The following GAD2 variants were observed in gnomAD, a reference collection of about 807,000 sequenced individuals.
GAD2 encodes 65 kDa glutamic acid decarboxylase.
In GAD2, 22 loss-of-function variants were observed where a neutral mutation model predicts 80.1. The ratio of observed to expected loss-of-function variants is 0.27; its 90% CI spans 0.20 to 0.39. The LOEUF (loss-of-function observed/expected upper bound fraction) is 0.39, where lower values mean the gene tolerates loss of function less well. Among genes scored for constraint, GAD2 ranks in the 10% least tolerant of loss-of-function variants. The pLI, the probability that GAD2 is intolerant of heterozygous loss-of-function variation, is 1.00. For synonymous variants in GAD2, 274 were observed against 256.9 expected, an observed-to-expected ratio of 1.07 and a Z score of -0.64; for missense variants, 624 against 738.4, an observed-to-expected ratio of 0.85 and a Z score of 1.80.
chr10:26,267,293 T>G (rs1476695537), intron 8 of GAD2, among the ~76,000 whole-genome samples: 4 of 152,382 alleles, frequency 2.6e-5, no homozygotes, highest in Non-Finnish European at 5.9e-5. Context: ...CTTTAAACTT[T>G]ATGTAAAAGA....
chr10:26,237,844 C>T (rs1844693733), intron 7 of GAD2, among the ~76,000 whole-genome samples: 1 of 151,950 alleles, frequency 6.6e-6, no homozygotes, highest in Non-Finnish European at 1.5e-5. Context: ...CCCACCTCTA[C>T]AAAAAATACA....
At chr10:26,293,446 G>C (rs1164702382) in intron 15 of GAD2, among the ~76,000 whole-genome samples, 1 of 152,252 alleles carries the variant, frequency 6.6e-6, no homozygotes, top group East Asian at 1.9e-4. Flanking sequence ...CCAAAGTGCT[G>C]AGATTACAGG....
chr10:26,226,140 A>G (rs956650296), intron 6 of GAD2, among the ~76,000 whole-genome samples: 7 of 152,060 alleles, frequency 4.6e-5, no homozygotes, highest in African/African-American at 1.7e-4. Flanking sequence ...ATAAGTTTTA[A>G]TGGTCCCCGG....
intron 7 of GAD2, among the ~76,000 whole-genome samples, chr10:26,244,284 G>A (rs1384196563): frequency 6.6e-6 from 1 of 152,188 alleles, no homozygotes; most frequent in Admixed American, 6.5e-5. Flanking sequence ...CTGAGAGTGG[G>A]AATGTAAAAT....
rs147849483 is a variant in GAD2, at chr10:26,223,153, T to C, written c.521-734T>C. Among the ~76,000 whole-genome samples the C allele has an allele frequency of 7.5e-3, 1,147 of 152,344 alleles. 15 individuals are homozygous for C. Among genetic ancestry groups the C allele is most frequent in the African/African-American group, 0.025 (1,044 of 41,572 alleles). ...ACTAATCAGTCGATTGAGTATATCT[T>C]TCTGTATCTTGTTGATAAAACAGTG... is the stretch of plus-strand genomic sequence containing the variant. On this transcript the variant is annotated intron_variant, in intron 4 of 15. Transcript: ENST00000376261.
At chr10:26,233,387 A>C (rs1403530995) in intron 7 of GAD2, among the ~76,000 whole-genome samples, 1 of 152,118 alleles carries the variant, frequency 6.6e-6, no homozygotes, top group Non-Finnish European at 1.5e-5. Context: ...CTACCAAAAA[A>C]CATTCTCATC....
At chr10:26,259,436 T>C (rs562368422) in intron 8 of GAD2, among the ~76,000 whole-genome samples, 4 of 152,280 alleles carry the variant, frequency 2.6e-5, no homozygotes, top group South Asian at 4.1e-4. Context: ...TGGTATTTCA[T>C]TGTGGTTTTC....
intron 7 of GAD2, among the ~76,000 whole-genome samples, chr10:26,238,093 A>T (rs765559209): frequency 2.6e-5 from 4 of 151,842 alleles, no homozygotes; most frequent in Non-Finnish European, 5.9e-5. Flanking sequence ...AGATTTCACA[A>T]TGCCACTTGA....
intron 15 of GAD2, among the ~76,000 whole-genome samples, chr10:26,299,878 C>T (rs561342054): frequency 6.6e-6 from 1 of 152,074 alleles, no homozygotes; most frequent in East Asian, 1.9e-4. Context: ...AGGATATGAA[C>T]CAGAAGAGAA....
intron 8 of GAD2, among the ~76,000 whole-genome samples, chr10:26,246,352 T>C (rs1183731130): frequency 1.3e-5 from 2 of 152,144 alleles, no homozygotes; most frequent in Non-Finnish European, 2.9e-5. Flanking sequence ...GCACCATAGA[T>C]AGTGTAAGCT....
intron 11 of GAD2, among the ~76,000 whole-genome samples, chr10:26,275,566 T>A (rs1397665086): frequency 1.3e-5 from 2 of 152,356 alleles, no homozygotes; most frequent in Non-Finnish European, 2.9e-5. Flanking sequence ...TGTTCCACTC[T>A]GAGCAGAATC....
rs1042361260 is a variant in GAD2, at chr10:26,281,172, A to C, written c.1236+85A>C. 22 of 992,502 alleles carry C rather than the reference A, an allele frequency of 2.2e-5. No homozygotes were observed. In the East Asian group the frequency reaches 5.4e-4, roughly 24 times the overall value. 61.5% of individuals were successfully genotyped at this position (992,502 alleles called of 1,614,324 possible). On this transcript the variant is annotated intron_variant, in intron 12 of 15. Coordinates refer to ENST00000376261, the MANE Select transcript of GAD2 (RefSeq NM_001134366.2). ...GTTGACTTTCTCTGGAAATGTCAAG[A>C]TCACCGGGTCTTCTCTATGGTCCTA...
At position 26,289,095 on chromosome 10, in the gene GAD2, G is replaced by A. The variant is rs551499621; in HGVS notation, c.1386+2601G>A. On this transcript the variant is annotated intron_variant, in intron 13 of 15. Transcript: ENST00000376261. ...CTTTGTGAGTTTTTTTTTGAAAAAC[G>A]AAATGATAATCATTATTAAAGTAAT... Among the ~76,000 whole-genome samples, 11 of 151,262 alleles carry A rather than the reference G, an allele frequency of 7.3e-5. No homozygotes were observed. In the South Asian group the frequency reaches 2.1e-3, roughly 29 times the overall value.
chr10:26,228,933 T>C (rs537953198), intron 6 of GAD2, among the ~76,000 whole-genome samples: 1 of 152,242 alleles, frequency 6.6e-6, no homozygotes, highest in East Asian at 1.9e-4. Flanking sequence ...CTCACACCTG[T>C]AATCCTAGCA....
At chr10:26,293,211 T>C (rs1348255689) in intron 15 of GAD2, among the ~76,000 whole-genome samples, 1 of 138,438 alleles carries the variant, frequency 7.2e-6, no homozygotes, top group African/African-American at 2.8e-5. Context: ...GGAGTCTCAC[T>C]GTGTCTTCCA....
intron 7 of GAD2, among the ~76,000 whole-genome samples, chr10:26,242,448 G>A (rs997089473): frequency 3.9e-5 from 6 of 152,152 alleles, no homozygotes; most frequent in African/African-American, 7.2e-5. Context: ...GAATAAAAAC[G>A]ACTGTCCACA....
At position 26,217,568 on chromosome 10, in the gene GAD2, C is replaced by T; in HGVS notation, c.77-42C>T. On this transcript the variant is annotated intron_variant, in intron 1 of 15. Transcript: ENST00000376261. This position sits in a 1 kb window ranked among gnomAD's most constrained non-coding sequence, Gnocchi z 4.9. ...AAATTTCACACGTCCGTCTGTTGTTCTCTTTCTGCCTCGCTGTCTGCCTGC... is the reference window on the plus strand; with the variant it reads ...AAATTTCACACGTCCGTCTGTTGTTTTCTTTCTGCCTCGCTGTCTGCCTGC... 6.3e-7 allele frequency: 1 copy of T among 1,581,814 alleles called. No individual in the cohort carries two copies. Among genetic ancestry groups the T allele is most frequent in the Non-Finnish European group, 8.6e-7 (1 of 1,159,700 alleles).
intron 6 of GAD2, among the ~76,000 whole-genome samples, chr10:26,226,594 A>G (rs558197847): frequency 1.3e-5 from 2 of 152,330 alleles, no homozygotes; most frequent in East Asian, 1.9e-4. Context: ...CCCGGGAGCA[A>G]CCAGCCTTGC....
chr10:26,220,818 A>G (rs1173024333), intron 4 of GAD2, among the ~76,000 whole-genome samples: 6 of 152,366 alleles, frequency 3.9e-5, no homozygotes, highest in Admixed American at 1.3e-4. Flanking sequence ...TGCAGTCTAC[A>G]GAGTTAAGAT....
Sources: allele counts gnomAD v4.1 joint callset (sites outside exome capture counted in the v4.1 genomes callset), GRCh38; gene constraint gnomAD v4.1.1; non-coding constraint Gnocchi (gnomAD v3.1); transcripts MANE v1.5; gene names NCBI Gene and HGNC (gene_info 2026-07-23, HGNC 2026-07-21).